Variants in ETV6 observed in about 807,000 individuals in gnomAD.
ETV6 encodes transcription factor ETV6.
ETV6 carries 16 observed loss-of-function variants against 51.1 expected under a neutral mutation model. The observed-to-expected ratio is 0.31, with a 90% CI of 0.21 to 0.48. ETV6 has a LOEUF of 0.48. ETV6 is among the 20% of genes least tolerant of loss of function. The probability of loss-of-function intolerance (pLI) is 0.99; values close to 1 mark genes in which losing one functional copy is unlikely to be tolerated. For synonymous variants in ETV6, 240 were observed against 224.1 expected (o/e 1.07, Z -0.64); for missense variants, 458 against 594.8 (o/e 0.77, Z 2.39).
chr12:11,872,540 C>G (rs1319399403), intron 5 of ETV6, among the ~76,000 whole-genome samples: 2 of 148,096 alleles, frequency 1.4e-5, no homozygotes, highest in Non-Finnish European at 3.0e-5. Context: ...GTCACCCAGG[C>G]TGGAGTTCAG....
intron 6 of ETV6, among the ~76,000 whole-genome samples, chr12:11,885,412 T>C (rs1462634523): frequency 1.3e-5 from 2 of 152,196 alleles, no homozygotes; most frequent in African/African-American, 4.8e-5. Context: ...CACTGTACCA[T>C]TGCCTCGGGC....
chr12:11,887,026 AAG>A (rs1346099000), intron 7 of ETV6, among the ~76,000 whole-genome samples: 1 of 152,176 alleles, frequency 6.6e-6, no homozygotes, highest in Non-Finnish European at 1.5e-5. Flanking sequence ...ATTTATTGGA[AAG>A]AGCAGAGAAT....
intron 1 of ETV6, among the ~76,000 whole-genome samples, chr12:11,690,903 T>TAAAG (rs1384539264): frequency 6.6e-6 from 1 of 150,382 alleles, no homozygotes; most frequent in South Asian, 2.1e-4. Context: ...AATAAATAAA[T>TAAAG]AAATAAAATT....
intron 1 of ETV6, among the ~76,000 whole-genome samples, chr12:11,670,171 C>A (rs2541122): frequency 0.97 from 147,373 of 152,328 alleles, 71,379 homozygotes; most frequent in Non-Finnish European, 0.99. Context: ...AAATTTGCCA[C>A]GTGGACATAA....
intron 3 of ETV6, among the ~76,000 whole-genome samples, chr12:11,847,540 C>A (rs1946483723): frequency 6.6e-6 from 1 of 152,124 alleles, no homozygotes. Flanking sequence ...GGCGGAAAAC[C>A]AGGATAAGTG....
chr12:11,877,457 CAT>C (rs891763913), intron 5 of ETV6, among the ~76,000 whole-genome samples: 3 of 152,172 alleles, frequency 2.0e-5, no homozygotes, highest in Non-Finnish European at 4.4e-5. Flanking sequence ...TGTGCAGACA[CAT>C]GTGCACCTTC....
intron 2 of ETV6, among the ~76,000 whole-genome samples, chr12:11,789,258 T>G (rs532770617): frequency 6.6e-6 from 1 of 152,268 alleles, no homozygotes; most frequent in East Asian, 1.9e-4. Context: ...AGTCTCAAAC[T>G]CCTGACCTCA....
intron 1 of ETV6, among the ~76,000 whole-genome samples, chr12:11,722,414 C>G (rs1865404902): frequency 6.6e-6 from 1 of 152,174 alleles, no homozygotes; most frequent in African/African-American, 2.4e-5. Context: ...GATACATTCA[C>G]CTGCTAGGCA....
chr12:11,752,418 C>T, intron 1 of ETV6, 32 bp from the exon 2 acceptor site: 13 of 1,594,960 alleles, frequency 8.2e-6, no homozygotes, highest in Non-Finnish European at 1.1e-5. Flanking sequence ...GTCTCTCTCC[C>T]CCTCCCCTCT....
chr12:11,731,738 C>A (rs954829041), intron 1 of ETV6, among the ~76,000 whole-genome samples: 3 of 152,082 alleles, frequency 2.0e-5, no homozygotes, highest in African/African-American at 7.2e-5. Context: ...GGGCTCAAAG[C>A]CCTTCATAGT....
chr12:11,746,023 C>T (rs574347514), intron 1 of ETV6, among the ~76,000 whole-genome samples: 9 of 152,260 alleles, frequency 5.9e-5, no homozygotes, highest in Middle Eastern at 3.4e-3. Context: ...AGTCCCCTTC[C>T]GTCAGCTGAA....
At chr12:11,860,349 G>GAGC (rs1692774079) in intron 4 of ETV6, among the ~76,000 whole-genome samples, 1 of 152,152 alleles carries the variant, frequency 6.6e-6, no homozygotes, top group South Asian at 2.1e-4. Context: ...CAGAGCCAGA[G>GAGC]AGCATGCCGG....
chr12:11,862,293 G>T lies in ETV6; in HGVS notation c.464-7131G>T, dbSNP rs73277187. 1.2e-3 allele frequency among the ~76,000 whole-genome samples: 186 copies of T among 152,256 alleles called. 1 individual carries two copies. Among genetic ancestry groups the T allele is most frequent in the African/African-American group, 4.3e-3 (180 of 41,550 alleles). On this transcript the variant is annotated intron_variant, in intron 4 of 7. Transcript: ENST00000396373. Reference sequence around the variant, plus strand: ...GTTCGGTGACATTGGCACATTGTGGGGATGAATAGGCTGAAATGCCAGGTA... The same window carrying T: ...GTTCGGTGACATTGGCACATTGTGGTGATGAATAGGCTGAAATGCCAGGTA...
intron 5 of ETV6, among the ~76,000 whole-genome samples, chr12:11,883,928 T>A (rs758173220): frequency 3.9e-5 from 6 of 152,226 alleles, no homozygotes; most frequent in Non-Finnish European, 5.9e-5. Flanking sequence ...TCACTCCTTT[T>A]TGCTGTGTTT....
chr12:11,722,676 C>T (rs1034819272), intron 1 of ETV6, among the ~76,000 whole-genome samples: 7 of 152,168 alleles, frequency 4.6e-5, no homozygotes, highest in African/African-American at 1.4e-4. Context: ...AGTTACTCTC[C>T]CAAACCCCAG....
intron 2 of ETV6, among the ~76,000 whole-genome samples, chr12:11,791,579 G>A (rs1246751536): frequency 6.6e-6 from 1 of 152,156 alleles, no homozygotes; most frequent in Non-Finnish European, 1.5e-5. Context: ...TTGTATTCGT[G>A]TCCAGTTGAT....
chr12:11,868,967 T>C (rs1330258840), intron 4 of ETV6, among the ~76,000 whole-genome samples: 1 of 152,112 alleles, frequency 6.6e-6, no homozygotes. Context: ...CCAGGCGCGG[T>C]GGCTCACGCC....
chr12:11,834,169 C>T lies in ETV6; in HGVS notation c.164-4971C>T, dbSNP rs565560920. On this transcript the variant is annotated intron_variant, in intron 2 of 7. Coordinates refer to ENST00000396373, the MANE Select transcript of ETV6 (RefSeq NM_001987.5). The stretch of plus-strand genomic sequence containing the variant: ...TGGAGGCAAAATGACTAAGCAAGGA[C>T]GTGATAACTGTCCTCACTGTGTTGA... 1.5e-4 allele frequency among the ~76,000 whole-genome samples: 23 copies of T among 152,202 alleles called. 1 individual carries two copies. In the South Asian group the frequency reaches 4.8e-3, roughly 32 times the overall value.
In ETV6 at chr12:11,891,959, A is replaced by AAGAT. The variant is rs1947294996; in HGVS notation, c.*915_*918dup. ...TGTGAGAACCATGTGTCTAAGGCGT[A>AAGAT]AGATAAGGATGGAAGGCTGTCCAAG... On this transcript the variant is annotated 3_prime_UTR_variant, in exon 8 of 8. Coordinates refer to ENST00000396373, the MANE Select transcript of ETV6 (RefSeq NM_001987.5). The AAGAT allele has an allele frequency of 4.2e-6, 1 of 240,424 alleles. No homozygotes were observed. Among genetic ancestry groups the AAGAT allele is most frequent in the Non-Finnish European group, 8.2e-6 (1 of 122,244 alleles). The allele number at this position is 240,424 out of a possible 1,614,324, so 14.9% of individuals were successfully genotyped here.
Sources: allele counts gnomAD v4.1 joint callset (sites outside exome capture counted in the v4.1 genomes callset), GRCh38; gene constraint gnomAD v4.1.1; transcripts MANE v1.5; gene names NCBI Gene and HGNC (gene_info 2026-07-23, HGNC 2026-07-21).